Variants in BRI3 observed in about 807,000 individuals in gnomAD.
The protein encoded by BRI3 is membrane protein BRI3.
Under a neutral mutation model 12.8 loss-of-function variants are expected in BRI3, and 6 were observed. The observed-to-expected ratio is 0.47, with a 90% CI of 0.26 to 0.93. The LOEUF is 0.93. BRI3 is among the 40% of genes least tolerant of loss of function. The pLI is 0.15. For missense variants in BRI3, 134 were observed against 171.1 expected, an observed-to-expected ratio of 0.78 and a Z score of 1.21; for synonymous variants, 91 against 76.1, an observed-to-expected ratio of 1.20 and a Z score of -1.02.
intron 2 of BRI3, among the ~76,000 whole-genome samples, chr7:98,284,966 G>GGT: frequency 6.6e-6 from 1 of 152,296 alleles, no homozygotes; most frequent in East Asian, 1.9e-4. Flanking sequence ...GTTGTACCTA[G>GGT]GTGCAGGATG....
At chr7:98,315,891 G>A in the BRI3 span, among the ~76,000 whole-genome samples, 19 of 152,130 alleles carry the variant, frequency 1.2e-4, no homozygotes, top group African/African-American at 4.3e-4. Context: ...AGATATGATC[G>A]TGTCCTACTG....
At chr7:98,287,310 G>A (rs941450737) in intron 2 of BRI3, among the ~76,000 whole-genome samples, 1 of 152,252 alleles carries the variant, frequency 6.6e-6, no homozygotes, top group Non-Finnish European at 1.5e-5. Context: ...TGCCTTAGGA[G>A]GTGCCGGAGT....
chr7:98,288,399 C>T (rs935112988), intron 2 of BRI3, among the ~76,000 whole-genome samples: 1 of 152,104 alleles, frequency 6.6e-6, no homozygotes, highest in Non-Finnish European at 1.5e-5. Flanking sequence ...CGGAGGTGTC[C>T]TGCCCAGTCT....
chr7:98,300,853 A>G (rs2906183), intron 1 of BRI3, among the ~76,000 whole-genome samples: 14,252 of 152,042 alleles, frequency 0.094, 766 homozygotes, highest in South Asian at 0.24. Flanking sequence ...CCCCCAAGTC[A>G]CCGCAACGCC....
chr7:98,302,063 G>C (rs965967919), upstream of BRI3, among the ~76,000 whole-genome samples: 2 of 152,158 alleles, frequency 1.3e-5, no homozygotes, highest in Admixed American at 6.5e-5. Flanking sequence ...CTGACAGAAT[G>C]TCATGATCCA....
Position 98,282,543 on chromosome 7 carries a change from G to T in BRI3, c.245+90G>T, listed in dbSNP as rs1208655301. On this transcript the variant is annotated intron_variant, in intron 2 of 2. Coordinates refer to ENST00000297290, the MANE Select transcript of BRI3 (RefSeq NM_015379.5). ...GGACCTCACAGCTCTGCTTGTGGGA[G>T]TGGGTCCGGCTTGACTTGGATCTTG... The T allele has an allele frequency of 3.7e-6, 4 of 1,091,806 alleles. No individual in the cohort carries two copies. In the East Asian group the frequency reaches 7.6e-5, roughly 21 times the overall value. 67.6% of individuals were successfully genotyped at this position (1,091,806 alleles called of 1,614,324 possible).
At chr7:98,287,213 C>A (rs751636736) in intron 2 of BRI3, among the ~76,000 whole-genome samples, 1 of 152,218 alleles carries the variant, frequency 6.6e-6, no homozygotes. Context: ...CCCAGAGACC[C>A]GGGGGCCTTG....
chr7:98,300,637 G>A (rs193117913), intron 1 of BRI3, among the ~76,000 whole-genome samples: 247 of 152,196 alleles, frequency 1.6e-3, no homozygotes, highest in African/African-American at 5.5e-3. Flanking sequence ...ACGAGGCCCC[G>A]CTATCCCTCT....
At chr7:98,315,093 G>A (rs1801023867), downstream of BRI3, among the ~76,000 whole-genome samples, 1 of 152,182 alleles carries the variant, frequency 6.6e-6, no homozygotes, top group Admixed American at 6.5e-5. Context: ...ATGTGTGGAA[G>A]GTGAGTGGCG....
Position 98,291,147 on chromosome 7 carries a change from C to T in BRI3, c.282C>T (p.Gly94=), listed in dbSNP as rs1296845566. The T allele has an allele frequency of 6.2e-7, 1 of 1,614,172 alleles. No individual in the cohort carries two copies. The highest frequency in any genetic ancestry group is 8.5e-7 in the Non-Finnish European group (1 of 1,180,016). ...TGGAGGACTGCTTCACCTTCCTGGGCATCTTCCTGGCCATCATCCTCTTCC... is the reference window on the plus strand; with the variant it reads ...TGGAGGACTGCTTCACCTTCCTGGGTATCTTCCTGGCCATCATCCTCTTCC... ...GVLEDCFTFL[G]IFLAIILFPF... The change falls in exon 3 of 3, where the codon GGC becomes GGT. Residue 94 remains glycine, a synonymous_variant. Transcript: ENST00000297290.
At chr7:98,315,484 GT>G in the BRI3 span, 3 of 1,500,576 alleles carry the variant, frequency 2.0e-6, no homozygotes, top group Non-Finnish European at 2.7e-6. Flanking sequence ...AATGTATGTG[GT>G]TTGCAAAGCC....
downstream of BRI3, chr7:98,292,845 C>CAGGA: frequency 6.9e-7 from 1 of 1,458,988 alleles, no homozygotes; most frequent in South Asian, 1.5e-5. Context: ...CCGTTGGCGA[C>CAGGA]TCCTAACTAC....
intron 2 of BRI3, among the ~76,000 whole-genome samples, 187 bp from the exon 3 acceptor site, chr7:98,290,924 T>C (rs1010263701): frequency 4.6e-5 from 7 of 152,152 alleles, no homozygotes; most frequent in Non-Finnish European, 8.8e-5. Flanking sequence ...CAGCTGGTTC[T>C]TGGGGCTCTC....
intron 1 of BRI3, among the ~76,000 whole-genome samples, chr7:98,298,332 G>A (rs1007113457): frequency 6.6e-6 from 1 of 152,084 alleles, no homozygotes; most frequent in African/African-American, 2.4e-5. Context: ...AACATTAGGG[G>A]CTGGGTGCGG....
At chr7:98,317,351 A>C in the BRI3 span, 1 of 1,613,700 alleles carries the variant, frequency 6.2e-7, no homozygotes. Flanking sequence ...ATCTTTTTAG[A>C]GTTGCCTGTA....
At chr7:98,292,635 C>G, downstream of BRI3, 1 of 1,551,646 alleles carries the variant, frequency 6.4e-7, no homozygotes, top group Non-Finnish European at 8.7e-7. Flanking sequence ...CCGCCCTTCT[C>G]CAGGCACCAG....
At chr7:98,301,749 C>T (rs947399582), upstream of BRI3, among the ~76,000 whole-genome samples, 4 of 152,054 alleles carry the variant, frequency 2.6e-5, no homozygotes, top group Non-Finnish European at 4.4e-5. Context: ...TTGGCAGGTG[C>T]GGCCTGTGGA....
intron 1 of BRI3, among the ~76,000 whole-genome samples, chr7:98,298,233 T>C (rs915192787): frequency 5.3e-5 from 8 of 152,312 alleles, no homozygotes; most frequent in African/African-American, 1.4e-4. Context: ...GGATGCTCTA[T>C]GGACACCTAA....
chr7:98,304,398 G>A (rs1800552073), upstream of BRI3: 1 of 1,612,068 alleles, frequency 6.2e-7, no homozygotes, highest in Non-Finnish European at 8.5e-7. Flanking sequence ...AAAGGACACA[G>A]CACGTGTTAG....
Sources: allele counts gnomAD v4.1 joint callset (sites outside exome capture counted in the v4.1 genomes callset), GRCh38; gene constraint gnomAD v4.1.1; transcripts MANE v1.5; gene names NCBI Gene and HGNC (gene_info 2026-07-23, HGNC 2026-07-21).